MTOR: variants seen among roughly 807,000 people sequenced by gnomAD.
MTOR encodes the protein serine/threonine-protein kinase mTOR.
A neutral mutation model predicts 319.8 loss-of-function variants in MTOR; 70 were observed. The observed-to-expected ratio is 0.22, with a 90% CI of 0.18 to 0.27. The LOEUF is 0.27. Ranked by LOEUF, MTOR falls within the 10% of genes least tolerant of loss-of-function variation. The probability of loss-of-function intolerance (pLI) is 1.00; values close to 1 mark genes in which losing one functional copy is unlikely to be tolerated. For missense variants in MTOR, 1,890 were observed against 3,274.4 expected (o/e 0.58, Z 10.32); for synonymous variants, 1,183 against 1,211.4 (o/e 0.98, Z 0.49).
chr1:11,114,144 C>G (rs1642039712), intron 53 of MTOR, among the ~76,000 whole-genome samples, 174 bp downstream of exon 53: 1 of 152,172 alleles, frequency 6.6e-6, no homozygotes, highest in Non-Finnish European at 1.5e-5. Context: ...AGCGTGAGAA[C>G]AGACTAATAC....
intron 9 of MTOR, among the ~76,000 whole-genome samples, chr1:11,241,975 T>C (rs897318788): frequency 2.6e-5 from 4 of 152,176 alleles, no homozygotes; most frequent in Non-Finnish European, 4.4e-5. Context: ...AAGATAATTA[T>C]GTAGGAAGAG....
rs572127690 is a variant in MTOR, at chr1:11,155,020, T to C, written c.4469+2132A>G. ...AAAATTAGCCCACTGTGGTGGTGTG[T>C]GCCTGTAGTCTCAGCTACAAGGGAG... On this transcript the variant is annotated intron_variant, in intron 30 of 57. Transcript: ENST00000361445. Among the ~76,000 whole-genome samples the C allele has an allele frequency of 3.9e-5, 6 of 152,310 alleles. No homozygotes were observed. In the East Asian group the frequency reaches 1.2e-3, roughly 29 times the overall value.
intron 18 of MTOR, among the ~76,000 whole-genome samples, chr1:11,230,487 C>T (rs2100863966): frequency 6.6e-6 from 1 of 152,332 alleles, no homozygotes; most frequent in East Asian, 1.9e-4. Flanking sequence ...TTTCTGATTG[C>T]TGCTAGTTTT....
chr1:11,191,329 G>A (rs1043778054), intron 28 of MTOR, among the ~76,000 whole-genome samples: 2 of 152,154 alleles, frequency 1.3e-5, no homozygotes, highest in Non-Finnish European at 2.9e-5. Context: ...CCACTAAGAC[G>A]AAATGAAGAA....
At chr1:11,167,093 C>T (rs796421622) in intron 29 of MTOR, among the ~76,000 whole-genome samples, 7 of 152,106 alleles carry the variant, frequency 4.6e-5, no homozygotes, top group East Asian at 1.9e-4. Context: ...CGGGGCCTGT[C>T]GTGGAGTGTG....
intron 36 of MTOR, chr1:11,139,074 A>G (rs1294342399): frequency 5.7e-6 from 3 of 522,034 alleles, no homozygotes; most frequent in Non-Finnish European, 9.9e-6. Flanking sequence ...AAATACATAT[A>G]ACTGTGATCA....
chr1:11,175,030 C>T (rs1034969657), intron 28 of MTOR, among the ~76,000 whole-genome samples: 4 of 152,164 alleles, frequency 2.6e-5, no homozygotes, highest in South Asian at 2.1e-4. Context: ...CTCCTCTTGA[C>T]GCCTACTGAG....
chr1:11,213,467 G>A lies in MTOR; in HGVS notation c.3217C>T (p.Gln1073Ter), dbSNP rs2100797334. Residue 1073 changes from glutamine to a stop codon, truncating the protein, a stop_gained, in exon 21 of 58, where the codon CAG becomes TAG. Coordinates refer to ENST00000361445, the MANE Select transcript of MTOR (RefSeq NM_004958.4). LOFTEE classifies it high-confidence loss of function. ...LGGEFKLYLPQLIPHMLRVFM... is the reference protein window; with the variant it reads ...LGGEFKLYLP ...ACACGCAGCATGTGTGGGATCAGCTGGGGCAGGTAGAGCTTAAATTCACCC... is the reference window on the plus strand; with the variant it reads ...ACACGCAGCATGTGTGGGATCAGCTAGGGCAGGTAGAGCTTAAATTCACCC... 6.2e-7 allele frequency: 1 copy of A among 1,613,984 alleles called. No homozygotes were observed. Among genetic ancestry groups the A allele is most frequent in the Non-Finnish European group, 8.5e-7 (1 of 1,180,010 alleles).
chr1:11,173,437 CATT>C (rs1644886481), intron 28 of MTOR, among the ~76,000 whole-genome samples: 1 of 151,894 alleles, frequency 6.6e-6, no homozygotes. Context: ...CCACCACACA[CATT>C]ATTATTTTTT....
In MTOR at chr1:11,238,006, C is replaced by T. The variant is rs778348776; in HGVS notation, c.2045G>A (p.Arg682His). 1.4e-5 allele frequency: 22 copies of T among 1,614,088 alleles called. No individual in the cohort carries two copies. The highest frequency in any genetic ancestry group is 1.9e-5 in the Non-Finnish European group (22 of 1,180,038). The change falls in exon 13 of 58, where the codon CGC (arginine) becomes CAC (histidine). Residue 682 changes from arginine to histidine, a missense_variant. Physicochemically the swap from Arg to His is conservative, Grantham distance 29. Around this residue, in one of 15 missense-constraint regions of MTOR, gnomAD observed 377 missense variants for 653.9 expected, o/e 0.58. Transcript: ENST00000361445. The stretch of plus-strand genomic sequence containing the variant: ...CGCCTGGGCCAGGTGTGCATCAAAG[C>T]GCTCGTCCAGGGACGCCAAGACACA... Reference protein sequence around the residue: ...RYCVLASLDERFDAHLAQAEN... With the variant: ...RYCVLASLDEHFDAHLAQAEN...
In MTOR at chr1:11,115,213, G is replaced by T. The variant is rs2275522; in HGVS notation, c.7089+183C>A. Among the ~76,000 whole-genome samples, 9,001 of 152,234 alleles carry T rather than the reference G, an allele frequency of 0.059. 376 individuals carry two copies. The highest frequency in any genetic ancestry group is 0.12 in the South Asian group (598 of 4,826). ...ATGGGAACAGCAGCCCTTGCTCCAA[G>T]GGGGTTAGAGTCCAACTAAGAGCCC... is the stretch of plus-strand genomic sequence containing the variant. On this transcript the variant is annotated intron_variant, in intron 51 of 57. Transcript: ENST00000361445. This position sits in a 1 kb window ranked among gnomAD's most constrained non-coding sequence, Gnocchi z 4.5.
Position 11,128,505 on chromosome 1 carries a change from C to T in MTOR, c.5859G>A (p.Val1953=). The T allele has an allele frequency of 1.2e-6, 2 of 1,614,178 alleles. No homozygotes were observed. The highest frequency in any genetic ancestry group is 4.5e-5 in the East Asian group (2 of 44,884). Residue 1953 remains valine (V), a synonymous_variant, in exon 42 of 58, where the codon GTG becomes GTA. Transcript: ENST00000361445. The surrounding 1 kb of genome is among the most constrained non-coding windows in gnomAD (Gnocchi z 5.3). The stretch of plus-strand genomic sequence containing the variant: ...TGAGAAGCTGGTGAATGAGACGTCC[C>T]ACCAAGGGTCTGGGCGTATCAATTC... ...IARIDTPRPL[V]GRLIHQLLTD... is the part of the protein sequence containing the mutation.
chr1:11,228,347 C>T (rs1646913313), intron 19 of MTOR, among the ~76,000 whole-genome samples: 1 of 152,058 alleles, frequency 6.6e-6, no homozygotes, highest in African/African-American at 2.4e-5. Context: ...CACCATCACG[C>T]ATGGCTAATT....
rs1643869738 is a variant in MTOR, at chr1:11,144,700, A to C, written c.4820T>G (p.Leu1607Arg). The C allele has an allele frequency of 6.2e-7, 1 of 1,613,990 alleles. No homozygotes were observed. The stretch of plus-strand genomic sequence containing the variant: ...GATGATCTCTCGTCGCTCGGGGACA[A>C]GTTTGTACTGGATAACCTCCTCCAG... Reference protein sequence around the residue: ...SELEEVIQYKLVPERREIIRQ... With the variant: ...SELEEVIQYKRVPERREIIRQ... Residue 1607 changes from leucine to arginine, a missense_variant, in exon 34 of 58, where the codon CTT (leucine) becomes CGT (arginine). This residue lies in a region of MTOR where 276 missense variants were observed against 459.4 expected (regional missense o/e 0.60). Transcript: ENST00000361445.
chr1:11,139,278 T>C (rs1033195707), intron 36 of MTOR, 26 bp downstream of exon 36: 5 of 1,569,042 alleles, frequency 3.2e-6, no homozygotes, highest in Non-Finnish European at 4.3e-6. Flanking sequence ...GAAGGTGGTC[T>C]GTTCTGGATG....
intron 9 of MTOR, among the ~76,000 whole-genome samples, chr1:11,242,179 C>G (rs879368901): frequency 6.6e-6 from 1 of 151,102 alleles, no homozygotes; most frequent in South Asian, 2.1e-4. Flanking sequence ...GCCTGGCCAA[C>G]ATGGTGAAAC....
At chr1:11,194,296 C>T (rs1190711373) in intron 28 of MTOR, among the ~76,000 whole-genome samples, 1 of 152,136 alleles carries the variant, frequency 6.6e-6, no homozygotes, top group African/African-American at 2.4e-5. Flanking sequence ...TTTTCTGATT[C>T]CCAGGTTAAC....
chr1:11,224,402 C>G (rs1201770218), intron 19 of MTOR, among the ~76,000 whole-genome samples: 1 of 152,000 alleles, frequency 6.6e-6, no homozygotes, highest in Non-Finnish European at 1.5e-5. Flanking sequence ...TTGCATGCAT[C>G]TAGTAATATA....
At chr1:11,125,868 C>G (rs1377025464) in intron 46 of MTOR, among the ~76,000 whole-genome samples, 2 of 151,690 alleles carry the variant, frequency 1.3e-5, no homozygotes, top group Non-Finnish European at 2.9e-5. Flanking sequence ...TGGTGAAACC[C>G]CAACTCTATT....
Sources: allele counts gnomAD v4.1 joint callset (sites outside exome capture counted in the v4.1 genomes callset), GRCh38; gene constraint gnomAD v4.1.1; regional missense constraint gnomAD v4.1.1; non-coding constraint Gnocchi (gnomAD v3.1); transcripts MANE v1.5; gene names NCBI Gene and HGNC (gene_info 2026-07-23, HGNC 2026-07-21).